Variants in PRKCB observed in about 807,000 individuals in gnomAD.
The protein encoded by PRKCB is protein kinase C beta type.
Under a neutral mutation model 81.5 loss-of-function variants are expected in PRKCB, and 13 were observed. That is an observed-to-expected ratio of 0.16 (90% CI 0.10 to 0.25). The LOEUF (loss-of-function observed/expected upper bound fraction) is 0.25, where lower values mean the gene tolerates loss of function less well. PRKCB is among the 10% of genes least tolerant of loss of function. The pLI is 1.00. For synonymous variants in PRKCB, 335 were observed against 321.4 expected (o/e 1.04, Z -0.45); for missense variants, 509 against 875.7 (o/e 0.58, Z 5.29).
At chr16:23,953,024 C>G (rs1241048908) in intron 2 of PRKCB, among the ~76,000 whole-genome samples, 1 of 152,160 alleles carries the variant, frequency 6.6e-6, no homozygotes, top group African/African-American at 2.4e-5. Flanking sequence ...TTCCCACATG[C>G]AGGGTGCTTC....
intron 2 of PRKCB, among the ~76,000 whole-genome samples, chr16:23,959,903 G>A (rs1007881994): frequency 3.3e-5 from 5 of 152,222 alleles, no homozygotes; most frequent in African/African-American, 1.2e-4. Flanking sequence ...TGCAGGAAAT[G>A]AAGTGACATG....
chr16:24,045,791 A>G (rs747194836), intron 5 of PRKCB, among the ~76,000 whole-genome samples: 1 of 152,198 alleles, frequency 6.6e-6, no homozygotes, highest in Non-Finnish European at 1.5e-5. Context: ...GCACTGTAAC[A>G]TTCGAGCAGC....
intron 2 of PRKCB, among the ~76,000 whole-genome samples, chr16:23,882,035 T>TTCCTTCCTTCCG (rs1963129895): frequency 7.8e-6 from 1 of 128,000 alleles, no homozygotes; most frequent in Admixed American, 8.6e-5. Context: ...CCTTCCTTCC[T>TTCCTTCCTTCCG]TCCTTCCTTC....
chr16:24,091,296 C>A (rs191425818), intron 5 of PRKCB, among the ~76,000 whole-genome samples: 1 of 152,248 alleles, frequency 6.6e-6, no homozygotes, highest in African/African-American at 2.4e-5. Context: ...AATAGATTTC[C>A]TAAGATTGAA....
intron 3 of PRKCB, among the ~76,000 whole-genome samples, chr16:23,995,467 G>A (rs1201699986): frequency 6.6e-6 from 1 of 152,116 alleles, no homozygotes; most frequent in Non-Finnish European, 1.5e-5. Flanking sequence ...TTGGAATATA[G>A]TCCTGCCATA....
intron 7 of PRKCB, chr16:24,099,363 C>T (rs557150851): frequency 2.0e-5 from 3 of 152,330 alleles, no homozygotes; most frequent in Non-Finnish European, 4.4e-5. Context: ...TCACTGTTAA[C>T]AGCAAAACCC....
intron 2 of PRKCB, among the ~76,000 whole-genome samples, chr16:23,986,264 T>G (rs1964803206): frequency 1.3e-5 from 2 of 152,164 alleles, no homozygotes; most frequent in East Asian, 1.9e-4. Flanking sequence ...ATTTATGTAT[T>G]TATTTTTGAA....
At chr16:23,839,300 G>C (rs1266791508) in intron 2 of PRKCB, among the ~76,000 whole-genome samples, 1 of 110,394 alleles carries the variant, frequency 9.1e-6, no homozygotes, top group South Asian at 2.8e-4. Flanking sequence ...TTTTGACAGG[G>C]TCTCACTCTT....
chr16:24,100,710 G>A (rs1966495924), intron 7 of PRKCB, among the ~76,000 whole-genome samples: 1 of 152,190 alleles, frequency 6.6e-6, no homozygotes. Flanking sequence ...TTCATCTAGA[G>A]CTGATTCACT....
chr16:23,968,620 A>G lies in PRKCB; in HGVS notation c.206-19888A>G, dbSNP rs140064226. Reference sequence around the variant, plus strand: ...TGGCTGAACCCAGCTGGAAACCAGAAGGACCAGATGATGAATTCTGTAAGG... The same window carrying G: ...TGGCTGAACCCAGCTGGAAACCAGAGGGACCAGATGATGAATTCTGTAAGG... On this transcript the variant is annotated intron_variant, in intron 2 of 16. Coordinates refer to ENST00000643927, the MANE Select transcript of PRKCB (RefSeq NM_002738.7). 5.4e-3 allele frequency among the ~76,000 whole-genome samples: 818 copies of G among 152,272 alleles called. 10 individuals carry two copies. The highest frequency in any genetic ancestry group is 0.019 in the African/African-American group (770 of 41,556).
At chr16:23,972,804 C>G (rs1391328088) in intron 2 of PRKCB, among the ~76,000 whole-genome samples, 1 of 152,128 alleles carries the variant, frequency 6.6e-6, no homozygotes, top group African/African-American at 2.4e-5. Context: ...ATACTGAGCT[C>G]CTGTTATGTG....
chr16:24,081,670 C>T lies in PRKCB; in HGVS notation c.530-11121C>T, dbSNP rs1037186988. ...GGTGGATCATCTGAGGTCAGGAGTT[C>T]GAGACCAACCTGGCCAACATGGTGA... On this transcript the variant is annotated intron_variant, in intron 5 of 16. Transcript: ENST00000643927. Among the ~76,000 whole-genome samples, 4 of 151,960 alleles carry T rather than the reference C, an allele frequency of 2.6e-5. No homozygotes were observed. In the South Asian group the frequency reaches 6.2e-4, roughly 24 times the overall value.
In PRKCB at chr16:24,216,712, A is replaced by T. The variant is rs1487536377; in HGVS notation, c.*1896A>T. The T allele has an allele frequency of 1.0e-6, 1 of 985,338 alleles. No individual in the cohort carries two copies. The highest frequency in any genetic ancestry group is 1.2e-6 in the Non-Finnish European group (1 of 829,978). 61.0% of individuals were successfully genotyped at this position (985,338 alleles called of 1,614,324 possible). ...TGTCCCCACTGTGGTGGCAATCAGG[A>T]CCTAAGGTGAAGCAAACTTGAAGTT... On this transcript the variant is annotated 3_prime_UTR_variant, in exon 17 of 17. Coordinates refer to ENST00000643927, the MANE Select transcript of PRKCB (RefSeq NM_002738.7).
Position 23,882,021 on chromosome 16 carries a change from T to TCTTTCTTC in PRKCB, c.205+44618_205+44619insTCTTCCTT. ...TTCTTTCTTTCTTTCTTTCTTTCTT[T>TCTTTCTTC]CTTCCTTCCTTCCTTCCTTCCTTCC... On this transcript the variant is annotated intron_variant, in intron 2 of 16. Transcript: ENST00000643927. Among the ~76,000 whole-genome samples the TCTTTCTTC allele has an allele frequency of 3.5e-3, 196 of 55,602 alleles. 4 individuals carry two copies. Among genetic ancestry groups the TCTTTCTTC allele is most frequent in the African/African-American group, 0.01 (172 of 16,888 alleles). 36.5% of individuals were successfully genotyped at this position (55,602 alleles called of 152,430 possible). A position where few individuals can be genotyped will look rare whatever the true frequency, so the allele number is the denominator to read the frequency against.
intron 10 of PRKCB, among the ~76,000 whole-genome samples, chr16:24,168,991 C>T (rs1967396146): frequency 1.3e-5 from 2 of 152,048 alleles, no homozygotes; most frequent in African/African-American, 4.8e-5. Context: ...ATTGCCAGGA[C>T]ATCTCATTTT....
intron 3 of PRKCB, among the ~76,000 whole-genome samples, chr16:24,030,610 G>A (rs1317840719): frequency 1.3e-5 from 2 of 151,996 alleles, no homozygotes; most frequent in African/African-American, 2.4e-5. Flanking sequence ...TGGGCATGGT[G>A]GTGTGCACCT....
intron 2 of PRKCB, among the ~76,000 whole-genome samples, chr16:23,870,842 G>A (rs934093420): frequency 2.0e-5 from 3 of 152,208 alleles, no homozygotes; most frequent in Non-Finnish European, 4.4e-5. Flanking sequence ...GCTGGGCAAT[G>A]CTGTTGATCT....
At chr16:24,131,020 G>A (rs944696771) in intron 9 of PRKCB, among the ~76,000 whole-genome samples, 1 of 152,178 alleles carries the variant, frequency 6.6e-6, no homozygotes, top group African/African-American at 2.4e-5. Context: ...AAAACTTCAA[G>A]TGCCTCTTTT....
intron 3 of PRKCB, among the ~76,000 whole-genome samples, chr16:24,012,498 C>T (rs759532914): frequency 8.5e-5 from 13 of 152,236 alleles, no homozygotes; most frequent in Admixed American, 3.3e-4. Context: ...TCCTGTCTCC[C>T]TGCTTCCTCT....
Sources: gnomAD v4.1 joint callset for allele counts (sites outside exome capture counted in the v4.1 genomes callset) on GRCh38, gnomAD v4.1.1 for gene constraint, MANE v1.5 for transcripts, NCBI Gene and HGNC (gene_info 2026-07-23, HGNC 2026-07-21) for gene names.